The following TESK2 variants were observed in gnomAD, a reference collection of about 807,000 sequenced individuals.
The protein encoded by TESK2 is testis associated actin remodelling kinase 2.
A neutral mutation model predicts 57.1 loss-of-function variants in TESK2; 39 were observed. The ratio of observed to expected loss-of-function variants is 0.68; its 90% CI spans 0.53 to 0.89. TESK2 has a LOEUF of 0.89. Ranked by LOEUF, TESK2 falls within the 40% of genes least tolerant of loss-of-function variation. The pLI, the probability that TESK2 is intolerant of heterozygous loss-of-function variation, is 0.00. For synonymous variants in TESK2, 249 were observed against 267.9 expected, an observed-to-expected ratio of 0.93 and a Z score of 0.69; for missense variants, 646 against 732.1, an observed-to-expected ratio of 0.88 and a Z score of 1.36.
chr1:45,389,740 T>C (rs549716829), intron 3 of TESK2, among the ~76,000 whole-genome samples: 1 of 152,166 alleles, frequency 6.6e-6, no homozygotes, highest in Non-Finnish European at 1.5e-5. Context: ...AATTTCCTCA[T>C]CTATAAAAAT....
intron 2 of TESK2, among the ~76,000 whole-genome samples, chr1:45,452,770 A>G (rs900945993): frequency 1.3e-5 from 2 of 151,868 alleles, no homozygotes; most frequent in Non-Finnish European, 2.9e-5. Flanking sequence ...AAAAAAAAAA[A>G]GCTGAGTGCA....
At chr1:45,395,968 GTTTGT>G (rs1409900720) in intron 3 of TESK2, among the ~76,000 whole-genome samples, 2 of 151,952 alleles carry the variant, frequency 1.3e-5, no homozygotes, top group African/African-American at 4.8e-5. Flanking sequence ...GTAAATTATG[GTTTGT>G]TTTGTTTTGT....
At chr1:45,441,378 T>C (rs540481643) in intron 2 of TESK2, among the ~76,000 whole-genome samples, 1 of 152,026 alleles carries the variant, frequency 6.6e-6, no homozygotes, top group African/African-American at 2.4e-5. Flanking sequence ...CCATTCGCCA[T>C]GTTGGTCAGA....
intron 2 of TESK2, among the ~76,000 whole-genome samples, chr1:45,451,931 G>A (rs1422175052): frequency 6.6e-6 from 1 of 150,614 alleles, no homozygotes; most frequent in African/African-American, 2.5e-5. Flanking sequence ...TACTCAGAAG[G>A]CTGAAGCAGG....
At chr1:45,373,028 C>CAAAAAAAAAAAAAAA (rs200182758) in intron 4 of TESK2, among the ~76,000 whole-genome samples, 2 of 61,040 alleles carry the variant, frequency 3.3e-5, no homozygotes, top group South Asian at 5.5e-4. Context: ...ATCTCCGTCT[C>CAAAAAAAAAAAAAAA]AAAAAAAAAA....
At chr1:45,466,863 T>C (rs754615342) in intron 1 of TESK2, among the ~76,000 whole-genome samples, 1 of 152,004 alleles carries the variant, frequency 6.6e-6, no homozygotes, top group Middle Eastern at 3.4e-3. Flanking sequence ...GCCTACATTT[T>C]ATATTTATTA....
chr1:45,457,787 G>A lies in TESK2; in HGVS notation c.-2C>T. 1 of 1,612,052 alleles carries A rather than the reference G, an allele frequency of 6.2e-7. No individual in the cohort carries two copies. The highest frequency in any genetic ancestry group is 8.5e-7 in the Non-Finnish European group (1 of 1,178,292). ...TGAATTCCGTTTGCTCCGATCCATA[G>A]TCTAAATAATCACTTTTTTCTTCTT... On this transcript the variant is annotated 5_prime_UTR_variant, in exon 2 of 11. Transcript: ENST00000372086.
chr1:45,452,996 T>C (rs1302593183), intron 2 of TESK2, among the ~76,000 whole-genome samples: 2 of 151,614 alleles, frequency 1.3e-5, no homozygotes, highest in South Asian at 2.1e-4. Context: ...CAGTCAGCTA[T>C]GATCACGCCA....
intron 3 of TESK2, among the ~76,000 whole-genome samples, chr1:45,420,319 A>G (rs998689634): frequency 6.6e-6 from 1 of 152,204 alleles, no homozygotes; most frequent in African/African-American, 2.4e-5. Context: ...GGCTCACTGT[A>G]GCTGTGAACT....
intron 4 of TESK2, among the ~76,000 whole-genome samples, chr1:45,383,394 C>T (rs947430158): frequency 1.3e-5 from 2 of 152,128 alleles, no homozygotes; most frequent in African/African-American, 4.8e-5. Flanking sequence ...AGTCTATTAA[C>T]ATCATATTAA....
chr1:45,406,494 A>T (rs962883461), intron 3 of TESK2, among the ~76,000 whole-genome samples: 14 of 151,986 alleles, frequency 9.2e-5, no homozygotes, highest in African/African-American at 2.7e-4. Context: ...AAAATAAGAC[A>T]ATTAGCTGGG....
chr1:45,432,607 C>T (rs1165825885), intron 2 of TESK2, among the ~76,000 whole-genome samples: 6 of 150,250 alleles, frequency 4.0e-5, no homozygotes, highest in Non-Finnish European at 5.9e-5. Flanking sequence ...AGGAGAATGG[C>T]GTGAACTGGG....
chr1:45,388,667 A>G (rs1048388099), intron 3 of TESK2, among the ~76,000 whole-genome samples: 9 of 151,842 alleles, frequency 5.9e-5, no homozygotes, highest in Admixed American at 5.9e-4. Flanking sequence ...GCTCCCTCCA[A>G]AACTCATAGT....
intron 4 of TESK2, among the ~76,000 whole-genome samples, chr1:45,375,882 AAAGC>A (rs34988186): frequency 3.4e-4 from 52 of 152,374 alleles, no homozygotes; most frequent in African/African-American, 1.1e-3. Flanking sequence ...AAATGAGCCA[AAAGC>A]AAGCAAGCAA....
At chr1:45,483,912 G>A (rs1383749487) in intron 1 of TESK2, among the ~76,000 whole-genome samples, 1 of 151,178 alleles carries the variant, frequency 6.6e-6, no homozygotes, top group African/African-American at 2.4e-5. Context: ...AAAAAGGGAG[G>A]ATCACTTGAG....
chr1:45,451,760 G>A lies in TESK2; in HGVS notation c.222+5804C>T, dbSNP rs185229837. On this transcript the variant is annotated intron_variant, in intron 2 of 10. Coordinates refer to ENST00000372086, the MANE Select transcript of TESK2 (RefSeq NM_007170.3). The stretch of plus-strand genomic sequence containing the variant: ...TAAAATCTTTATTTGGTGGCTGGGA[G>A]TGGTGGCTCACACCTGTAATCTCAA... Among the ~76,000 whole-genome samples the A allele has an allele frequency of 8.5e-5, 13 of 152,228 alleles. No homozygotes were observed. The East Asian group carries it at 2.5e-3, about 29-fold the overall frequency.
chr1:45,443,595 A>G (rs916268137), intron 2 of TESK2, among the ~76,000 whole-genome samples: 7 of 133,728 alleles, frequency 5.2e-5, no homozygotes, highest in African/African-American at 1.9e-4. Context: ...AAAAAAAAAA[A>G]GGCATACAAA....
intron 2 of TESK2, among the ~76,000 whole-genome samples, chr1:45,452,759 GA>G (rs111797667): frequency 4.5e-4 from 64 of 141,290 alleles, no homozygotes; most frequent in Middle Eastern, 3.8e-3. Context: ...AAAAAAAGAA[GA>G]AAAAAAAAAA....
chr1:45,432,167 T>C (rs1439650402), intron 2 of TESK2, among the ~76,000 whole-genome samples: 1 of 151,888 alleles, frequency 6.6e-6, no homozygotes. Context: ...GAGGATCACT[T>C]GAGCCTGGGC....
Sources: allele counts gnomAD v4.1 joint callset (sites outside exome capture counted in the v4.1 genomes callset), GRCh38; gene constraint gnomAD v4.1.1; transcripts MANE v1.5; gene names NCBI Gene and HGNC (gene_info 2026-07-23, HGNC 2026-07-21).